LRRC7: variants seen among roughly 807,000 people sequenced by gnomAD.
LRRC7 encodes leucine-rich repeat-containing protein 7.
A neutral mutation model predicts 175.7 loss-of-function variants in LRRC7; 23 were observed. The ratio of observed to expected loss-of-function variants is 0.13; its 90% CI spans 0.09 to 0.19. The LOEUF is 0.19. Ranked by LOEUF, LRRC7 falls within the 10% of genes least tolerant of loss-of-function variation. LRRC7 has a pLI of 1.00. For synonymous variants in LRRC7, 685 were observed against 680.9 expected, an observed-to-expected ratio of 1.01 and a Z score of -0.09; for missense variants, 1,354 against 1,904.7, an observed-to-expected ratio of 0.71 and a Z score of 5.38.
At chr1:69,869,173 A>G (rs2101571018) in intron 7 of LRRC7, among the ~76,000 whole-genome samples, 1 of 152,204 alleles carries the variant, frequency 6.6e-6, no homozygotes, top group Non-Finnish European at 1.5e-5. Flanking sequence ...GAGAAAGAAG[A>G]GATAAATCAA....
At chr1:69,896,529 T>C (rs1022560119) in intron 7 of LRRC7, among the ~76,000 whole-genome samples, 4 of 152,156 alleles carry the variant, frequency 2.6e-5, no homozygotes, top group Non-Finnish European at 5.9e-5. Flanking sequence ...AGGTATCTTA[T>C]ACATGGATTA....
intron 17 of LRRC7, among the ~76,000 whole-genome samples, chr1:70,023,897 G>C (rs147654501): frequency 2.6e-5 from 4 of 151,946 alleles, no homozygotes; most frequent in African/African-American, 9.7e-5. Flanking sequence ...GACACAAATC[G>C]TATGAATTCC....
intron 1 of LRRC7, among the ~76,000 whole-genome samples, chr1:69,586,220 G>A (rs1646398287): frequency 6.6e-6 from 1 of 152,080 alleles, no homozygotes; most frequent in African/African-American, 2.4e-5. Flanking sequence ...TCCTCCCTAT[G>A]TGTAAGAACT....
At chr1:69,659,304 G>T (rs1424109006) in intron 1 of LRRC7, among the ~76,000 whole-genome samples, 1 of 151,496 alleles carries the variant, frequency 6.6e-6, no homozygotes, top group East Asian at 1.9e-4. Flanking sequence ...AGAACAATGA[G>T]GATAGAGTGA....
intron 1 of LRRC7, among the ~76,000 whole-genome samples, chr1:69,616,776 A>G (rs1649688159): frequency 6.6e-6 from 1 of 152,238 alleles, no homozygotes; most frequent in Middle Eastern, 3.4e-3. Flanking sequence ...TATATTTCAC[A>G]GGAGAAGGGC....
chr1:70,117,682 A>AT (rs71071390), intron 26 of LRRC7, among the ~76,000 whole-genome samples: 13,914 of 152,090 alleles, frequency 0.091, 892 homozygotes, highest in Non-Finnish European at 0.13. Flanking sequence ...TTAATTACAT[A>AT]TTTTTTAAGG....
chr1:69,783,370 AG>A (rs1673999313), intron 3 of LRRC7, among the ~76,000 whole-genome samples: 1 of 152,226 alleles, frequency 6.6e-6, no homozygotes, highest in Admixed American at 6.5e-5. Context: ...GGCTAGAAAT[AG>A]AAAGTCCAGA....
intron 26 of LRRC7, among the ~76,000 whole-genome samples, chr1:70,116,338 G>C (rs1665847637): frequency 1.3e-5 from 2 of 152,128 alleles, no homozygotes; most frequent in Non-Finnish European, 2.9e-5. Context: ...ACGAGGTCAG[G>C]AGATGGAGAC....
At chr1:69,856,776 A>C (rs1433510565) in intron 7 of LRRC7, among the ~76,000 whole-genome samples, 1 of 152,222 alleles carries the variant, frequency 6.6e-6, no homozygotes, top group Non-Finnish European at 1.5e-5. Context: ...GGCCAGCATC[A>C]TCCTGATACC....
At chr1:70,103,200 G>T (rs1664915310) in intron 25 of LRRC7, among the ~76,000 whole-genome samples, 1 of 151,302 alleles carries the variant, frequency 6.6e-6, no homozygotes, top group South Asian at 2.1e-4. Context: ...CTATACTCCA[G>T]CCTGGGCGAC....
chr1:69,575,254 C>G (rs1557656553), intron 1 of LRRC7, among the ~76,000 whole-genome samples: 1 of 152,088 alleles, frequency 6.6e-6, no homozygotes, highest in Non-Finnish European at 1.5e-5. Flanking sequence ...TAAAACCACA[C>G]CCTTGGAACT....
At position 69,987,160 on chromosome 1, in the gene LRRC7, G is replaced by C. The variant is rs1055621848; in HGVS notation, c.931+774G>C. Among the ~76,000 whole-genome samples, 6 of 152,138 alleles carry C rather than the reference G, an allele frequency of 3.9e-5. 1 individual carries two copies. The highest frequency in any genetic ancestry group is 1.4e-4 in the African/African-American group (6 of 41,432). On this transcript the variant is annotated intron_variant, in intron 10 of 26. Coordinates refer to ENST00000651989, the MANE Select transcript of LRRC7 (RefSeq NM_001370785.2). ...GGAGGGAGGCTGAGGCAGGAGAATC[G>C]CTTGAACCCAGGAGGCGGTGGTTGC... is the stretch of plus-strand genomic sequence containing the variant.
intron 1 of LRRC7, among the ~76,000 whole-genome samples, chr1:69,634,481 A>G (rs1289752948): frequency 1.3e-5 from 2 of 152,120 alleles, no homozygotes; most frequent in African/African-American, 4.8e-5. Flanking sequence ...GACAGTTTTC[A>G]TCTATGCTTT....
chr1:69,805,130 A>G (rs901838534), intron 4 of LRRC7, among the ~76,000 whole-genome samples: 4 of 151,800 alleles, frequency 2.6e-5, no homozygotes, highest in Non-Finnish European at 1.5e-5. Flanking sequence ...ATTGTTAGTT[A>G]TCATGAAAGG....
At chr1:69,721,006 T>G (rs72938999) in intron 2 of LRRC7, among the ~76,000 whole-genome samples, 14,915 of 151,790 alleles carry the variant, frequency 0.098, 827 homozygotes, top group African/African-American at 0.13. Flanking sequence ...TAGTACAGAC[T>G]AATGTATCCT....
At chr1:69,806,161 C>T (rs1001198989) in intron 4 of LRRC7, among the ~76,000 whole-genome samples, 3 of 151,878 alleles carry the variant, frequency 2.0e-5, no homozygotes, top group Non-Finnish European at 4.4e-5. Flanking sequence ...TAGCCCCTAT[C>T]GATGTCCAGG....
intron 2 of LRRC7, among the ~76,000 whole-genome samples, chr1:69,724,118 A>G (rs2100791062): frequency 6.6e-6 from 1 of 152,328 alleles, no homozygotes; most frequent in African/African-American, 2.4e-5. Flanking sequence ...AATTGAGCAC[A>G]TTCCTTCATT....
intron 23 of LRRC7, among the ~76,000 whole-genome samples, chr1:70,062,826 G>A (rs4650024): frequency 0.026 from 3,914 of 151,962 alleles, 115 homozygotes; most frequent in African/African-American, 0.071. Context: ...TTAATTCATA[G>A]GTGTTTTTAA....
At chr1:69,628,039 C>A (rs1651884667) in intron 1 of LRRC7, among the ~76,000 whole-genome samples, 1 of 151,960 alleles carries the variant, frequency 6.6e-6, no homozygotes, top group South Asian at 2.1e-4. Context: ...TTCCTTAATA[C>A]CATATTTAAT....
Sources: allele counts gnomAD v4.1 joint callset (sites outside exome capture counted in the v4.1 genomes callset), GRCh38; gene constraint gnomAD v4.1.1; transcripts MANE v1.5; gene names NCBI Gene and HGNC (gene_info 2026-07-23, HGNC 2026-07-21).